GSDMC: variants seen among roughly 807,000 people sequenced by gnomAD.
GSDMC encodes the protein gasdermin-C.
A neutral mutation model predicts 58.0 loss-of-function variants in GSDMC; 59 were observed. That is an observed-to-expected ratio of 1.02 (90% CI 0.82 to 1.26). The LOEUF (loss-of-function observed/expected upper bound fraction) is 1.26, where lower values mean the gene tolerates loss of function less well. GSDMC is among the 50% of genes most tolerant of loss of function. The pLI, the probability that GSDMC is intolerant of heterozygous loss-of-function variation, is 0.00. For synonymous variants in GSDMC, 241 were observed against 220.2 expected (o/e 1.09, Z -0.83); for missense variants, 659 against 598.5 (o/e 1.10, Z -1.06).
At chr8:129,777,017 G>A (rs1031174052) in intron 2 of GSDMC, among the ~76,000 whole-genome samples, 3 of 151,636 alleles carry the variant, frequency 2.0e-5, no homozygotes, top group Admixed American at 6.6e-5. Flanking sequence ...TGATCTGCCC[G>A]CCTCGGTCTC....
the GSDMC span, chr8:129,730,416 T>G: frequency 5.7e-4 from 656 of 1,150,382 alleles, no homozygotes; most frequent in Admixed American, 1.5e-3. Context: ...TTATGAATCT[T>G]TAGTAGAAAT....
intron 3 of GSDMC, among the ~76,000 whole-genome samples, chr8:129,767,497 A>G (rs760739608): frequency 6.6e-6 from 1 of 152,084 alleles, no homozygotes; most frequent in Non-Finnish European, 1.5e-5. Flanking sequence ...CAAGAACCCA[A>G]CACAGCCTTG....
chr8:129,714,271 C>T, the GSDMC span, among the ~76,000 whole-genome samples: 1 of 152,190 alleles, frequency 6.6e-6, no homozygotes, highest in Non-Finnish European at 1.5e-5. Context: ...CTCATCTGTC[C>T]CATGATTATT....
chr8:129,752,355 G>T (rs547278750), intron 7 of GSDMC, among the ~76,000 whole-genome samples: 2 of 152,148 alleles, frequency 1.3e-5, no homozygotes, highest in African/African-American at 4.8e-5. Flanking sequence ...CTATCCCAAT[G>T]TTCAAAGGAG....
the GSDMC span, among the ~76,000 whole-genome samples, chr8:129,736,246 C>G: frequency 6.6e-6 from 1 of 152,188 alleles, no homozygotes; most frequent in Non-Finnish European, 1.5e-5. Context: ...CCTTCTGAAA[C>G]TATTCCAATC....
intron 3 of GSDMC, among the ~76,000 whole-genome samples, chr8:129,768,486 C>T (rs760473204): frequency 1.3e-5 from 2 of 151,922 alleles, no homozygotes; most frequent in Non-Finnish European, 2.9e-5. Context: ...ATTAAGAAAA[C>T]GATACACAAA....
At chr8:129,754,417 G>A (rs1442426737) in intron 6 of GSDMC, among the ~76,000 whole-genome samples, 1 of 152,190 alleles carries the variant, frequency 6.6e-6, no homozygotes, top group East Asian at 1.9e-4. Flanking sequence ...GAACCTCTAT[G>A]AGTCTGCAAC....
At chr8:129,755,294 C>T (rs1268527395) in intron 6 of GSDMC, among the ~76,000 whole-genome samples, 3 of 152,008 alleles carry the variant, frequency 2.0e-5, no homozygotes, top group Non-Finnish European at 4.4e-5. Flanking sequence ...ACCTTACAGG[C>T]CAGGAGAGAA....
Position 129,750,423 on chromosome 8 carries a change from C to T in GSDMC, c.1083+8G>A. On this transcript the variant is annotated splice_region_variant and intron_variant, in intron 11 of 13. Transcript: ENST00000276708. Reference sequence around the variant, plus strand: ...TTACCAGACCTATGCAACTGTGGAGCCCCTCACCATGTTCATCAGGTCCTG... The same window carrying T: ...TTACCAGACCTATGCAACTGTGGAGTCCCTCACCATGTTCATCAGGTCCTG... The T allele has an allele frequency of 6.2e-7, 1 of 1,611,874 alleles. No homozygotes were observed. The highest frequency in any genetic ancestry group is 8.5e-7 in the Non-Finnish European group (1 of 1,179,122).
the GSDMC span, among the ~76,000 whole-genome samples, chr8:129,709,265 G>C: frequency 1.3e-5 from 2 of 151,920 alleles, no homozygotes; most frequent in African/African-American, 2.4e-5. Context: ...GGGATGAATG[G>C]CACTGGAGGA....
chr8:129,709,302 GTGTT>G, the GSDMC span, among the ~76,000 whole-genome samples: 3 of 152,220 alleles, frequency 2.0e-5, no homozygotes, highest in South Asian at 6.2e-4. Context: ...AGTCTCAGTA[GTGTT>G]TGTTTACTTT....
chr8:129,736,418 G>C, the GSDMC span, among the ~76,000 whole-genome samples: 1 of 152,198 alleles, frequency 6.6e-6, no homozygotes, highest in African/African-American at 2.4e-5. Context: ...AAATCCAGCA[G>C]CACATCAAAA....
intron 6 of GSDMC, among the ~76,000 whole-genome samples, chr8:129,757,211 A>G (rs1586586260): frequency 6.6e-6 from 1 of 152,090 alleles, no homozygotes; most frequent in African/African-American, 2.4e-5. Context: ...AGAGATGAAA[A>G]AGGAGACATT....
the GSDMC span, chr8:129,729,782 A>G: frequency 0.06 from 36,342 of 607,786 alleles, 2,157 homozygotes; most frequent in East Asian, 0.22. Context: ...TGTGAGGCAC[A>G]TGAAATTTGA....
the GSDMC span, among the ~76,000 whole-genome samples, chr8:129,730,671 A>G: frequency 6.6e-6 from 1 of 152,238 alleles, no homozygotes. Flanking sequence ...TTAATTCCCA[A>G]TAAACCCATC....
the GSDMC span, among the ~76,000 whole-genome samples, chr8:129,736,319 T>C: frequency 6.6e-6 from 1 of 152,170 alleles, no homozygotes; most frequent in South Asian, 2.1e-4. Context: ...TACCAAAGCC[T>C]GGCACAGATG....
At chr8:129,709,465 A>G in the GSDMC span, among the ~76,000 whole-genome samples, 1 of 146,540 alleles carries the variant, frequency 6.8e-6, no homozygotes, top group African/African-American at 2.7e-5. Flanking sequence ...TAGATGATAG[A>G]TGATAGATAG....
chr8:129,761,352 C>A lies in GSDMC; in HGVS notation c.677-763G>T, dbSNP rs141492488. Among the ~76,000 whole-genome samples the A allele has an allele frequency of 2.5e-3, 382 of 152,250 alleles. 2 individuals carry two copies. Among genetic ancestry groups the A allele is most frequent in the African/African-American group, 8.9e-3 (369 of 41,564 alleles). ...CTAAGTGTCCTCCTTTAGTTATCACCTCCTCCCACCTGTTGTCCCCTCACA... is the reference window on the plus strand; with the variant it reads ...CTAAGTGTCCTCCTTTAGTTATCACATCCTCCCACCTGTTGTCCCCTCACA... On this transcript the variant is annotated intron_variant, in intron 5 of 13. Coordinates refer to ENST00000276708, the MANE Select transcript of GSDMC (RefSeq NM_031415.3).
chr8:129,764,174 G>A (rs938995153), intron 4 of GSDMC, among the ~76,000 whole-genome samples: 2 of 151,964 alleles, frequency 1.3e-5, no homozygotes, highest in Non-Finnish European at 2.9e-5. Context: ...CTTTCCTCAA[G>A]TGTCTGTGAT....
Sources: gnomAD v4.1 joint callset for allele counts (sites outside exome capture counted in the v4.1 genomes callset) on GRCh38, gnomAD v4.1.1 for gene constraint, MANE v1.5 for transcripts, NCBI Gene and HGNC (gene_info 2026-07-23, HGNC 2026-07-21) for gene names.